BEX3: variants seen among roughly 807,000 people sequenced by gnomAD.
BEX3 encodes the protein brain expressed X-linked 3.
A neutral mutation model predicts 6.1 loss-of-function variants in BEX3; 1 was observed. The observed-to-expected ratio is 0.16, with a 90% CI of 0.06 to 0.78. BEX3 has a LOEUF of 0.78. Ranked by LOEUF, BEX3 falls within the 30% of genes least tolerant of loss-of-function variation. The pLI is 0.75. For missense variants in BEX3, 49 were observed against 84.7 expected (o/e 0.58, Z 1.65); for synonymous variants, 33 against 25.2 (o/e 1.31, Z -0.93).
intron 2 of BEX3, 174 bp from the exon 3 acceptor site, chrX:103,377,336 C>A: frequency 1.7e-6 from 1 of 579,186 alleles, no homozygotes; most frequent in Non-Finnish European, 2.6e-6. Context: ...GTAGAGGACG[C>A]GCGGAACTTC....
upstream of BEX3, chrX:103,376,482 C>A: frequency 1.3e-6 from 1 of 752,416 alleles, no homozygotes; most frequent in Non-Finnish European, 1.6e-6. Context: ...GGTGGTGACG[C>A]GCGGCCCTCA....
Position 103,377,782 on chromosome X carries a change from C to T in BEX3, c.261C>T (p.Leu87=), listed in dbSNP as rs147893779. ...RNCLRILMGE[L]SNHHDHHDEF... ...GTCTGCGTATCCTTATGGGGGAGCT[C>T]TCTAATCACCATGACCATCATGATG... is the stretch of plus-strand genomic sequence containing the variant. Residue 87 remains leucine (L), a synonymous_variant, in exon 3 of 3, where the codon CTC becomes CTT. Coordinates refer to ENST00000361298, the MANE Select transcript of BEX3 (RefSeq NM_206917.3). The T allele has an allele frequency of 2.5e-4, 305 of 1,207,449 alleles. No homozygotes were observed. The highest frequency in any genetic ancestry group is 3.3e-4 in the Non-Finnish European group (298 of 893,783).
Position 103,377,622 on chromosome X carries a change from C to T in BEX3, c.101C>T (p.Ala34Val). 8.3e-7 allele frequency: 1 copy of T among 1,211,540 alleles called. No individual in the cohort carries two copies. Among genetic ancestry groups the T allele is most frequent in the Non-Finnish European group, 1.1e-6 (1 of 895,488 alleles). The change falls in exon 3 of 3, where the codon GCC (alanine) becomes GTC (valine). Residue 34 changes from alanine (A) to valine (V), a missense_variant. Physicochemically the swap from Ala to Val is moderately conservative, Grantham distance 64 (BLOSUM62 0). Transcript: ENST00000361298. ...CGACGGGGACAGGCTCGCCGACTTG[C>T]CCCTAATTTTCGATGGGCCATACCC... ...GNRRGQARRL[A>V]PNFRWAIPNR...
intron 1 of BEX3, 111 bp downstream of exon 1, chrX:103,376,724 A>G (rs1927234331): frequency 4.0e-6 from 1 of 252,023 alleles, no homozygotes; most frequent in Admixed American, 9.2e-5. Context: ...CCACACCCCA[A>G]CATGCTTGGG....
chrX:103,377,948 A>G lies in BEX3; in HGVS notation c.*121A>G, dbSNP rs1273671613. 1.3e-5 allele frequency: 7 copies of G among 548,928 alleles called. No homozygotes were observed. Among genetic ancestry groups the G allele is most frequent in the African/African-American group, 2.3e-5 (1 of 42,771 alleles). 45.2% of individuals were successfully genotyped at this position (548,928 alleles called of 1,213,427 possible). A position where few individuals can be genotyped will look rare whatever the true frequency, so the allele number is the denominator to read the frequency against. On this transcript the variant is annotated 3_prime_UTR_variant, in exon 3 of 3. Coordinates refer to ENST00000361298, the MANE Select transcript of BEX3 (RefSeq NM_206917.3). ...AACCCTATGTTATTTCCATGTGTCA[A>G]GTGGGTCTTGTGTTGCCAGCTTCTA...
chrX:103,376,325 C>G (rs776297166), upstream of BEX3: 7 of 304,951 alleles, frequency 2.3e-5, no homozygotes, highest in East Asian at 1.1e-3. Flanking sequence ...TGGAGAGGAC[C>G]GAGAAGAGTG....
intron 2 of BEX3, 41 bp from the exon 3 acceptor site, chrX:103,377,469 A>T (rs1339461636): frequency 8.4e-7 from 1 of 1,183,966 alleles, no homozygotes; most frequent in East Asian, 3.0e-5. Flanking sequence ...AAAGAAAAAC[A>T]ACCAGAAAAA....
intron 1 of BEX3, 163 bp from the exon 2 acceptor site, chrX:103,376,865 G>A (rs1602996368): frequency 1.4e-5 from 1 of 73,152 alleles, no homozygotes; most frequent in Non-Finnish European, 2.7e-5. Context: ...GGGGCTGGGC[G>A]TTCGAGGGTG....
rs926516684 is a variant in BEX3 at position 103,378,007 on chromosome X, C to T, written c.*180C>T. ...TTGCCTTTGCACTCAGTGTAAGTTT[C>T]TGTCAGCAGTAGTTTCACCCATTTG... is the stretch of plus-strand genomic sequence containing the variant. On this transcript the variant is annotated 3_prime_UTR_variant, in exon 3 of 3. Transcript: ENST00000361298. 5.2e-6 allele frequency: 2 copies of T among 385,945 alleles called. No homozygotes were observed. Among genetic ancestry groups the T allele is most frequent in the African/African-American group, 5.1e-5 (2 of 39,072 alleles). The allele number at this position is 385,945 out of a possible 1,213,427, so 31.8% of individuals were successfully genotyped here. A position where few individuals can be genotyped will look rare whatever the true frequency, so the allele number is the denominator to read the frequency against.
Position 103,376,618 on chromosome X carries a change from G to C in BEX3, c.-92+5G>C. ...GCCCGGGGAAAAGCGGAGCAGGTAA[G>C]GGCTCCGGGGCCCGTGAGCCCCGGC... On this transcript the variant is annotated splice_donor_5th_base_variant and intron_variant, in intron 1 of 2. Coordinates refer to ENST00000361298, the MANE Select transcript of BEX3 (RefSeq NM_206917.3). 2 of 744,084 alleles carry C rather than the reference G, an allele frequency of 2.7e-6. No homozygotes were observed. Among genetic ancestry groups the C allele is most frequent in the Non-Finnish European group, 3.2e-6 (2 of 629,960 alleles). The allele number at this position is 744,084 out of a possible 1,213,427, so 61.3% of individuals were successfully genotyped here. A position where few individuals can be genotyped will look rare whatever the true frequency, so the allele number is the denominator to read the frequency against.
At chrX:103,376,324 C>A, upstream of BEX3, 1 of 303,419 alleles carries the variant, frequency 3.3e-6, no homozygotes, top group Non-Finnish European at 4.4e-6. Flanking sequence ...TTGGAGAGGA[C>A]CGAGAAGAGT....
upstream of BEX3, chrX:103,376,459 G>A (rs1927224228): frequency 6.7e-6 from 5 of 749,708 alleles, no homozygotes; most frequent in Non-Finnish European, 6.3e-6. Context: ...CGCCCAAGTT[G>A]GGGGGCGAGC....
At position 103,377,072 on chromosome X, in the gene BEX3, T is replaced by C; in HGVS notation, c.-47T>C. 3.4e-6 allele frequency: 1 copy of C among 296,091 alleles called. No individual in the cohort carries two copies. The highest frequency in any genetic ancestry group is 4.4e-6 in the Non-Finnish European group (1 of 226,304). 24.4% of individuals were successfully genotyped at this position (296,091 alleles called of 1,213,427 possible). A position where few individuals can be genotyped will look rare whatever the true frequency, so the allele number is the denominator to read the frequency against. Reference sequence around the variant, plus strand: ...TCCGCGGCGCACCTCGCGGCGAGAATCCGGAGGAGAAGGAGACTGCAAGGA... The same window carrying C: ...TCCGCGGCGCACCTCGCGGCGAGAACCCGGAGGAGAAGGAGACTGCAAGGA... On this transcript the variant is annotated 5_prime_UTR_variant, in exon 2 of 3. Transcript: ENST00000361298.
chrX:103,377,306 GGGCTTTAATTGGA>G (rs780493094), intron 2 of BEX3, 191 bp from the exon 3 acceptor site: 21 of 151,935 alleles, frequency 1.4e-4, no homozygotes, highest in Non-Finnish European at 2.0e-4. Context: ...CTGGAGGGAG[GGGCTTTAATTGGA>G]GGCCCCGTAG....
chrX:103,377,322 C>T, intron 2 of BEX3, 188 bp from the exon 3 acceptor site: 1 of 507,101 alleles, frequency 2.0e-6, no homozygotes, highest in East Asian at 3.7e-5. Flanking sequence ...TAATTGGAGG[C>T]CCCGTAGAGG....
At position 103,378,148 on chromosome X, in the gene BEX3, A is replaced by G. The variant is rs1323310732; in HGVS notation, c.*321A>G. The G allele has an allele frequency of 4.7e-6, 1 of 211,260 alleles. No individual in the cohort carries two copies. Among genetic ancestry groups the G allele is most frequent in the African/African-American group, 2.9e-5 (1 of 34,070 alleles). The allele number at this position is 211,260 out of a possible 1,213,427, so 17.4% of individuals were successfully genotyped here. On this transcript the variant is annotated 3_prime_UTR_variant, in exon 3 of 3. Coordinates refer to ENST00000361298, the MANE Select transcript of BEX3 (RefSeq NM_206917.3). ...GAACTAAAAAAAAATCTGAGATTAA[A>G]TACACTAGAGTGTTAATTGGTGAAC...
intron 2 of BEX3, 54 bp downstream of exon 2, chrX:103,377,160 T>G: frequency 3.7e-6 from 1 of 271,868 alleles, no homozygotes; most frequent in Non-Finnish European, 5.9e-6. Flanking sequence ...GAAAGCCCAG[T>G]CTGAGACCCC....
Position 103,377,106 on chromosome X carries a change from G to A in BEX3, c.-13G>A. 2.9e-6 allele frequency: 1 copy of A among 339,595 alleles called. No individual in the cohort carries two copies. 28.0% of individuals were successfully genotyped at this position (339,595 alleles called of 1,213,427 possible). A position where few individuals can be genotyped will look rare whatever the true frequency, so the allele number is the denominator to read the frequency against. ...GAAGGAGACTGCAAGGATAGGCCCA[G>A]GTCGGTGCGAGGGACGGTGGTGGGG... On this transcript the variant is annotated splice_region_variant and 5_prime_UTR_variant, in exon 2 of 3. Transcript: ENST00000361298.
In BEX3 at chrX:103,376,576, C is replaced by T; in HGVS notation, c.-129C>T. 1 of 753,617 alleles carries T rather than the reference C, an allele frequency of 1.3e-6. No individual in the cohort carries two copies. Among genetic ancestry groups the T allele is most frequent in the Non-Finnish European group, 1.6e-6 (1 of 638,977 alleles). 62.1% of individuals were successfully genotyped at this position (753,617 alleles called of 1,213,427 possible). ...TACCAGCTCCCCGCTGCCCTGAGCTCGGCGGGCTGGCATTCGGCCCGGGGA... is the reference window on the plus strand; with the variant it reads ...TACCAGCTCCCCGCTGCCCTGAGCTTGGCGGGCTGGCATTCGGCCCGGGGA... On this transcript the variant is annotated 5_prime_UTR_variant, in exon 1 of 3. Coordinates refer to ENST00000361298, the MANE Select transcript of BEX3 (RefSeq NM_206917.3).
Sources: gnomAD v4.1 joint callset for allele counts on GRCh38, gnomAD v4.1.1 for gene constraint, MANE v1.5 for transcripts, NCBI Gene and HGNC (gene_info 2026-07-23, HGNC 2026-07-21) for gene names.